Variants in NXPE4 observed in about 807,000 individuals in gnomAD.
NXPE4 encodes neurexophilin and PC-esterase domain family member 4.
Under a neutral mutation model 33.3 loss-of-function variants are expected in NXPE4, and 42 were observed. The ratio of observed to expected loss-of-function variants is 1.26; its 90% CI spans 0.98 to 1.63. The LOEUF (loss-of-function observed/expected upper bound fraction) is 1.63. Ranked by LOEUF, NXPE4 falls within the 40% of genes most tolerant of loss-of-function variation. The probability of loss-of-function intolerance (pLI) is 0.00; values close to 1 mark genes in which losing one functional copy is unlikely to be tolerated. For synonymous variants in NXPE4, 253 were observed against 234.9 expected (o/e 1.08, Z -0.71); for missense variants, 709 against 647.6 (o/e 1.09, Z -1.03).
At chr11:114,630,369 C>G in the NXPE4 span, among the ~76,000 whole-genome samples, 1 of 151,758 alleles carries the variant, frequency 6.6e-6, no homozygotes, top group Non-Finnish European at 1.5e-5. Context: ...AATAACACCA[C>G]ATTTCTACAA....
At chr11:114,672,143 C>A in the NXPE4 span, among the ~76,000 whole-genome samples, 1 of 151,914 alleles carries the variant, frequency 6.6e-6, no homozygotes, top group South Asian at 2.1e-4. Flanking sequence ...GAAGTCCACC[C>A]CCATGATTCA....
chr11:114,651,312 G>A, the NXPE4 span, among the ~76,000 whole-genome samples: 4 of 151,940 alleles, frequency 2.6e-5, no homozygotes, highest in South Asian at 4.2e-4. Context: ...GAGTGAAGCC[G>A]CAGACCTTGT....
At chr11:114,576,534 A>G (rs1424623935) in intron 5 of NXPE4, among the ~76,000 whole-genome samples, 3 of 152,166 alleles carry the variant, frequency 2.0e-5, no homozygotes, top group Admixed American at 2.0e-4. Flanking sequence ...AAAGTGGGCT[A>G]TAGACATGAA....
the NXPE4 span, among the ~76,000 whole-genome samples, chr11:114,675,792 A>G: frequency 1.3e-5 from 2 of 151,942 alleles, no homozygotes; most frequent in Admixed American, 6.6e-5. Context: ...AAATAGCCAA[A>G]CCAATCTTGA....
the NXPE4 span, among the ~76,000 whole-genome samples, chr11:114,605,008 A>T: frequency 2.6e-5 from 4 of 151,476 alleles, no homozygotes; most frequent in Non-Finnish European, 5.9e-5. Context: ...GCATTGCCTC[A>T]CAGGTAACCA....
chr11:114,586,597 G>T (rs908624143), intron 2 of NXPE4, among the ~76,000 whole-genome samples: 4 of 152,106 alleles, frequency 2.6e-5, no homozygotes, highest in Non-Finnish European at 4.4e-5. Flanking sequence ...TTTCTAATTG[G>T]TTTCCTTTTA....
At chr11:114,618,641 C>T in the NXPE4 span, among the ~76,000 whole-genome samples, 12,876 of 151,982 alleles carry the variant, frequency 0.085, 657 homozygotes, top group Middle Eastern at 0.2. Flanking sequence ...CACTGTTCCC[C>T]GGTTTATAAT....
the NXPE4 span, among the ~76,000 whole-genome samples, chr11:114,655,264 T>C: frequency 1.3e-5 from 2 of 152,208 alleles, no homozygotes; most frequent in African/African-American, 2.4e-5. Flanking sequence ...TTTTCTCCCA[T>C]TCTGTAGGTT....
chr11:114,573,768 C>T (rs532344127), intron 5 of NXPE4, among the ~76,000 whole-genome samples: 125 of 152,098 alleles, frequency 8.2e-4, no homozygotes, highest in Middle Eastern at 6.8e-3. Context: ...TAGTGGGGAA[C>T]TTTAACACTC....
At chr11:114,674,596 A>G in the NXPE4 span, among the ~76,000 whole-genome samples, 2 of 151,810 alleles carry the variant, frequency 1.3e-5, no homozygotes, top group African/African-American at 2.4e-5. Context: ...ATCAAATCAC[A>G]AAAGAAGACA....
the NXPE4 span, among the ~76,000 whole-genome samples, chr11:114,647,533 T>A: frequency 6.6e-6 from 1 of 152,146 alleles, no homozygotes; most frequent in Non-Finnish European, 1.5e-5. Flanking sequence ...CTTAAGACAA[T>A]TTTGGTATTC....
chr11:114,572,679 A>G (rs773135788), intron 5 of NXPE4, among the ~76,000 whole-genome samples: 2 of 152,186 alleles, frequency 1.3e-5, no homozygotes, highest in Non-Finnish European at 2.9e-5. Flanking sequence ...AAGGATTTTA[A>G]AAAATGAACA....
the NXPE4 span, among the ~76,000 whole-genome samples, chr11:114,601,884 T>TATATATATATATTATATATAA: frequency 6.3e-5 from 1 of 15,796 alleles, no homozygotes; most frequent in East Asian, 7.6e-3. Flanking sequence ...TTATATATAA[T>TATATATATATATTATATATAA]TATATATTAT....
chr11:114,651,273 C>T, the NXPE4 span, among the ~76,000 whole-genome samples: 9 of 151,798 alleles, frequency 5.9e-5, no homozygotes, highest in Admixed American at 3.9e-4. Context: ...TTCTTCCTTG[C>T]GGTGGGTTCG....
In NXPE4 at chr11:114,571,261, G is replaced by A; in HGVS notation, c.1312C>T (p.His438Tyr). Residue 438 changes from histidine to tyrosine, a missense_variant, in exon 6 of 6, where the codon CAT (histidine) becomes TAT (tyrosine). His to Tyr is a moderately conservative substitution (Grantham distance 83). Coordinates refer to ENST00000375478, the MANE Select transcript of NXPE4 (RefSeq NM_001077639.2). ...ACATCAATGGGAAAGGGTCTGAAAT[G>A]CTGGCCCAGGGAAATAACAATGACA... ...NTVIVISLGQ[H>Y]FRPFPIDVFI... 1.2e-6 allele frequency: 2 copies of A among 1,614,016 alleles called. No homozygotes were observed. Among genetic ancestry groups the A allele is most frequent in the South Asian group, 2.2e-5 (2 of 91,076 alleles).
the NXPE4 span, among the ~76,000 whole-genome samples, chr11:114,605,542 T>G: frequency 3.3e-5 from 5 of 151,688 alleles, no homozygotes; most frequent in Non-Finnish European, 7.4e-5. Context: ...GATAATGTGT[T>G]GCCTCATGGG....
At chr11:114,675,572 C>T in the NXPE4 span, among the ~76,000 whole-genome samples, 1 of 151,574 alleles carries the variant, frequency 6.6e-6, no homozygotes, top group Non-Finnish European at 1.5e-5. Context: ...AAAAAAAACC[C>T]TTAGGAATTA....
the NXPE4 span, among the ~76,000 whole-genome samples, chr11:114,625,993 G>T: frequency 2.0e-5 from 3 of 152,198 alleles, no homozygotes; most frequent in Non-Finnish European, 4.4e-5. Flanking sequence ...CGCACCAGGA[G>T]ATTATATCCC....
the NXPE4 span, among the ~76,000 whole-genome samples, chr11:114,641,577 G>A: frequency 1.3e-5 from 2 of 152,148 alleles, no homozygotes; most frequent in Admixed American, 6.6e-5. Context: ...GACTAAATGT[G>A]CTAGGTGTCC....
Sources: allele counts gnomAD v4.1 joint callset (sites outside exome capture counted in the v4.1 genomes callset), GRCh38; gene constraint gnomAD v4.1.1; transcripts MANE v1.5; gene names NCBI Gene and HGNC (gene_info 2026-07-23, HGNC 2026-07-21).